Variants in ARL8A observed in about 807,000 individuals in gnomAD.
ARL8A encodes ADP-ribosylation factor-like protein 8A.
In ARL8A, 10 loss-of-function variants were observed where a neutral mutation model predicts 31.2. The ratio of observed to expected loss-of-function variants is 0.32; its 90% confidence interval spans 0.20 to 0.54. The LOEUF (loss-of-function observed/expected upper bound fraction) is 0.54. Ranked by LOEUF, ARL8A falls within the 20% of genes least tolerant of loss-of-function variation. The pLI, the probability that ARL8A is intolerant of heterozygous loss-of-function variation, is 0.93. For missense variants in ARL8A, 129 were observed against 242.8 expected (o/e 0.53, Z 3.12); for synonymous variants, 70 against 86.9 (o/e 0.81, Z 1.08).
chr1:202,137,920 G>T, intron 3 of ARL8A, 45 bp downstream of exon 3: 1 of 1,608,394 alleles, frequency 6.2e-7, no homozygotes, highest in Non-Finnish European at 8.5e-7. Flanking sequence ...AGGGCTAGGG[G>T]GGCCGGGTAA....
In ARL8A at chr1:202,138,235, G is replaced by T; in HGVS notation, c.204+133C>A. 6.8e-6 allele frequency: 8 copies of T among 1,184,128 alleles called. No homozygotes were observed. The highest frequency in any genetic ancestry group is 1.3e-5 in the South Asian group (1 of 74,228). 73.4% of individuals were successfully genotyped at this position (1,184,128 alleles called of 1,614,324 possible). On this transcript the variant is annotated intron_variant, in intron 2 of 6. Coordinates refer to ENST00000272217, the MANE Select transcript of ARL8A (RefSeq NM_138795.4). The surrounding 1 kb of genome is among the most constrained non-coding windows in gnomAD (Gnocchi z 4.4). Reference sequence around the variant, plus strand: ...TCTTTTCCCAGCTCCTCAGCAGGGGGACCCTGGCCTCTGCCCCACTTCAGC... The same window carrying T: ...TCTTTTCCCAGCTCCTCAGCAGGGGTACCCTGGCCTCTGCCCCACTTCAGC...
In ARL8A at chr1:202,139,632, CTTTTTTTTTTTTT is replaced by C. The variant is rs71141457; in HGVS notation, c.124-1197_124-1185del. The stretch of plus-strand genomic sequence containing the variant: ...GAACCTGAGGGTGATAGCCCTGTTC[CTTTTTTTTTTTTT>C]TTTTTTTTTTTTTTTTCTGAGACAG... On this transcript the variant is annotated intron_variant, in intron 1 of 6. Coordinates refer to ENST00000272217, the MANE Select transcript of ARL8A (RefSeq NM_138795.4). Among the ~76,000 whole-genome samples the C allele has an allele frequency of 2.2e-4, 11 of 50,568 alleles. 1 individual carries two copies. Among genetic ancestry groups the C allele is most frequent in the South Asian group, 2.2e-3 (2 of 914 alleles). The allele number at this position is 50,568 out of a possible 152,430, so 33.2% of individuals were successfully genotyped here.
rs1168327473 is a variant in ARL8A at position 202,144,187 on chromosome 1, C to T, written c.123+263G>A. 6.6e-6 allele frequency among the ~76,000 whole-genome samples: 1 copy of T among 152,076 alleles called. No individual in the cohort carries two copies. Among genetic ancestry groups the T allele is most frequent in the Non-Finnish European group, 1.5e-5 (1 of 67,970 alleles). ...GGTGCCGCCTGCCCCGTGGCACCGG[C>T]CCTGTCTGTTCGTCCCCCTTCCCCT... On this transcript the variant is annotated intron_variant, in intron 1 of 6. Transcript: ENST00000272217. The surrounding 1 kb of genome is among the most constrained non-coding windows in gnomAD (Gnocchi z 5.2).
At position 202,134,365 on chromosome 1, in the gene ARL8A, G is replaced by T. The variant is rs186734125; in HGVS notation, c.*102C>A. 9.8e-6 allele frequency: 12 copies of T among 1,226,594 alleles called. No homozygotes were observed. The African/African-American group carries it at 1.6e-4, about 17-fold the overall frequency. The allele number at this position is 1,226,594 out of a possible 1,614,324, so 76.0% of individuals were successfully genotyped here. A position where few individuals can be genotyped will look rare whatever the true frequency, so the allele number is the denominator to read the frequency against. ...CCCCAGAGGGCCCTCCTCACACTGGGTGAGGAGGGGTGGGCTTAGGGGGAC... is the reference window on the plus strand; with the variant it reads ...CCCCAGAGGGCCCTCCTCACACTGGTTGAGGAGGGGTGGGCTTAGGGGGAC... On this transcript the variant is annotated 3_prime_UTR_variant, in exon 7 of 7. Coordinates refer to ENST00000272217, the MANE Select transcript of ARL8A (RefSeq NM_138795.4). This position sits in a 1 kb window ranked among gnomAD's most constrained non-coding sequence, Gnocchi z 4.2.
Position 202,144,669 on chromosome 1 carries a change from G to A in ARL8A, c.-97C>T. 1 of 1,073,586 alleles carries A rather than the reference G, an allele frequency of 9.3e-7. No homozygotes were observed. The highest frequency in any genetic ancestry group is 1.7e-5 in the African/African-American group (1 of 58,652). 66.5% of individuals were successfully genotyped at this position (1,073,586 alleles called of 1,614,324 possible). The stretch of plus-strand genomic sequence containing the variant: ...GCGGCCCCTCCCCGGTACGGCCCGG[G>A]TCCCGCGGCTCGGTGCGGGCGGAGG... On this transcript the variant is annotated 5_prime_UTR_variant, in exon 1 of 7. Coordinates refer to ENST00000272217, the MANE Select transcript of ARL8A (RefSeq NM_138795.4). The surrounding 1 kb of genome is among the most constrained non-coding windows in gnomAD (Gnocchi z 5.2).
In ARL8A at chr1:202,144,348, C is replaced by G; in HGVS notation, c.123+102G>C. On this transcript the variant is annotated intron_variant, in intron 1 of 6. Transcript: ENST00000272217. The surrounding 1 kb of genome is among the most constrained non-coding windows in gnomAD (Gnocchi z 5.2). ...CCGCCCGGCGCCCGGCCGTGCCCGG[C>G]TATGCCAGGCGGCGACCCCGGCTCA... The G allele has an allele frequency of 4.7e-6, 4 of 843,336 alleles. No homozygotes were observed. Among genetic ancestry groups the G allele is most frequent in the Non-Finnish European group, 5.7e-6 (4 of 697,778 alleles). 52.2% of individuals were successfully genotyped at this position (843,336 alleles called of 1,614,324 possible).
intron 3 of ARL8A, among the ~76,000 whole-genome samples, chr1:202,137,628 CAA>C (rs58646979): frequency 6.5e-4 from 89 of 137,546 alleles, no homozygotes; most frequent in Admixed American, 7.3e-4. Context: ...AACTCCGTCT[CAA>C]AAAAAAAAAA....
At chr1:202,136,842 AT>A (rs901403197) in intron 3 of ARL8A, among the ~76,000 whole-genome samples, 3 of 151,396 alleles carry the variant, frequency 2.0e-5, no homozygotes, top group African/African-American at 7.3e-5. Context: ...GTGCCCTGCC[AT>A]TTTTCTTTTC....
chr1:202,138,162 C>T lies in ARL8A; in HGVS notation c.205-124G>A. The T allele has an allele frequency of 8.3e-7, 1 of 1,202,834 alleles. No individual in the cohort carries two copies. The highest frequency in any genetic ancestry group is 1.2e-6 in the Non-Finnish European group (1 of 836,244). 74.5% of individuals were successfully genotyped at this position (1,202,834 alleles called of 1,614,324 possible). On this transcript the variant is annotated intron_variant, in intron 2 of 6. Transcript: ENST00000272217. This position sits in a 1 kb window ranked among gnomAD's most constrained non-coding sequence, Gnocchi z 4.4. ...TGCCTCCCCGGCTTCCTCTCCAGTT[C>T]TCCCCCGTCTCCACCCGCTCTCCGT... is the stretch of plus-strand genomic sequence containing the variant.
intron 1 of ARL8A, among the ~76,000 whole-genome samples, chr1:202,143,851 C>G (rs1053582768): frequency 2.0e-5 from 3 of 152,224 alleles, no homozygotes; most frequent in Non-Finnish European, 4.4e-5. Context: ...CACTGCGGGT[C>G]GGGGAGAAGT....
At chr1:202,140,198 C>T (rs1655128974) in intron 1 of ARL8A, among the ~76,000 whole-genome samples, 1 of 150,600 alleles carries the variant, frequency 6.6e-6, no homozygotes, top group Admixed American at 6.6e-5. Flanking sequence ...GGTGTGATCT[C>T]GGCTCACTGT....
intron 1 of ARL8A, among the ~76,000 whole-genome samples, chr1:202,143,833 C>A (rs901332452): frequency 6.6e-6 from 1 of 152,228 alleles, no homozygotes; most frequent in Non-Finnish European, 1.5e-5. Context: ...CCTGGACCCC[C>A]GGCTAGACAC....
chr1:202,142,940 C>A (rs779638700), intron 1 of ARL8A, among the ~76,000 whole-genome samples: 7 of 152,174 alleles, frequency 4.6e-5, no homozygotes, highest in Non-Finnish European at 8.8e-5. Context: ...CCTAGGCCTG[C>A]AGAGTCAGGT....
Position 202,138,384 on chromosome 1 carries a change from C to G in ARL8A, c.188G>C (p.Gly63Ala), listed in dbSNP as rs755470110. ...GGCCCTCACCTTGATAGTCACATTCCCTTTGGTGATTTTGCGCATGTTGAA... is the reference window on the plus strand; with the variant it reads ...GGCCCTCACCTTGATAGTCACATTCGCTTTGGTGATTTTGCGCATGTTGAA... ...VGFNMRKITK[G>A]NVTIKLWDIG... Residue 63 changes from glycine to alanine, a missense_variant, in exon 2 of 7, where the codon GGG becomes GCG. Transcript: ENST00000272217. This position sits in a 1 kb window ranked among gnomAD's most constrained non-coding sequence, Gnocchi z 4.4. 1 of 1,613,870 alleles carries G rather than the reference C, an allele frequency of 6.2e-7. No individual in the cohort carries two copies. Among genetic ancestry groups the G allele is most frequent in the Admixed American group, 1.7e-5 (1 of 60,000 alleles).
At chr1:202,141,926 G>A (rs1023197343) in intron 1 of ARL8A, among the ~76,000 whole-genome samples, 4 of 151,312 alleles carry the variant, frequency 2.6e-5, no homozygotes, top group African/African-American at 7.3e-5. Flanking sequence ...GTGCAGTGGC[G>A]GCACGATCTT....
At position 202,138,463 on chromosome 1, in the gene ARL8A, C is replaced by T; in HGVS notation, c.124-15G>A. The T allele has an allele frequency of 6.2e-7, 1 of 1,612,938 alleles. No individual in the cohort carries two copies. Among genetic ancestry groups the T allele is most frequent in the Non-Finnish European group, 8.5e-7 (1 of 1,178,968 alleles). ...AACTGTCCTGACTGGAAAGAAGACT[C>T]AGAATGGGAAACAGTGCAAAAATCG... On this transcript the variant is annotated splice_polypyrimidine_tract_variant and intron_variant, in intron 1 of 6. Coordinates refer to ENST00000272217, the MANE Select transcript of ARL8A (RefSeq NM_138795.4). This position sits in a 1 kb window ranked among gnomAD's most constrained non-coding sequence, Gnocchi z 4.4.
intron 1 of ARL8A, among the ~76,000 whole-genome samples, chr1:202,140,837 G>T (rs1655148340): frequency 6.6e-6 from 1 of 152,150 alleles, no homozygotes; most frequent in African/African-American, 2.4e-5. Flanking sequence ...GAGGAAGGAG[G>T]CCCAGTTCTT....
At position 202,135,784 on chromosome 1, in the gene ARL8A, C is replaced by G; in HGVS notation, c.295G>C (p.Ala99Pro). Reference sequence around the variant, plus strand: ...GAGGCCTCAATCTTCTCCTGGTCAGCAGCATCCACCATGTACCTGGGGAAA... The same window carrying G: ...GAGGCCTCAATCTTCTCCTGGTCAGGAGCATCCACCATGTACCTGGGGAAA... Reference protein sequence around the residue: ...VSAIVYMVDAADQEKIEASKN... With the variant: ...VSAIVYMVDAPDQEKIEASKN... Residue 99 changes from alanine to proline, a missense_variant, in exon 4 of 7, where the codon GCT (alanine) becomes CCT (proline). By Grantham distance (27) the Ala-to-Pro change is conservative (BLOSUM62 -1). Transcript: ENST00000272217. The surrounding 1 kb of genome is among the most constrained non-coding windows in gnomAD (Gnocchi z 5.3). 1 of 1,614,108 alleles carries G rather than the reference C, an allele frequency of 6.2e-7. No homozygotes were observed. The highest frequency in any genetic ancestry group is 8.5e-7 in the Non-Finnish European group (1 of 1,179,974).
chr1:202,143,021 G>T (rs1446287249), intron 1 of ARL8A, among the ~76,000 whole-genome samples: 1 of 152,158 alleles, frequency 6.6e-6, no homozygotes, highest in African/African-American at 2.4e-5. Context: ...TAACCAGAGG[G>T]TCTCTGACCC....
Sources: allele counts gnomAD v4.1 joint callset (sites outside exome capture counted in the v4.1 genomes callset), GRCh38; gene constraint gnomAD v4.1.1; non-coding constraint Gnocchi (gnomAD v3.1); transcripts MANE v1.5; gene names NCBI Gene and HGNC (gene_info 2026-07-23, HGNC 2026-07-21).